SBSPON: variants seen among roughly 807,000 people sequenced by gnomAD.
SBSPON encodes the protein somatomedin B and thrombospondin type 1 domain containing.
Under a neutral mutation model 35.8 loss-of-function variants are expected in SBSPON, and 30 were observed. That is an observed-to-expected ratio of 0.84 (90% CI 0.63 to 1.14). The LOEUF is 1.14. Among genes scored for constraint, SBSPON ranks in the 50% most tolerant of loss-of-function variants. The pLI, the probability that SBSPON is intolerant of heterozygous loss-of-function variation, is 0.00. For synonymous variants in SBSPON, 136 were observed against 135.9 expected (o/e 1.00, Z 0.00); for missense variants, 364 against 357.7 (o/e 1.02, Z -0.14).
intron 1 of SBSPON, among the ~76,000 whole-genome samples, chr8:73,089,663 G>A (rs911781493): frequency 7.2e-5 from 11 of 152,042 alleles, no homozygotes; most frequent in Admixed American, 3.9e-4. Flanking sequence ...TAATATTAAC[G>A]AATACAAATT....
intron 2 of SBSPON, among the ~76,000 whole-genome samples, chr8:73,078,375 C>T (rs1563488554): frequency 6.6e-6 from 1 of 152,168 alleles, no homozygotes; most frequent in East Asian, 1.9e-4. Context: ...AGCCGCCCTA[C>T]CTCGAGTAGA....
At chr8:73,069,712 A>G (rs958355160) in intron 4 of SBSPON, 93 bp downstream of exon 4, 16 of 1,015,444 alleles carry the variant, frequency 1.6e-5, no homozygotes, top group East Asian at 2.4e-5. Context: ...ATCCCTTGAT[A>G]TGTTACATAC....
chr8:73,080,381 G>A (rs1187916327), intron 2 of SBSPON, among the ~76,000 whole-genome samples: 1 of 152,198 alleles, frequency 6.6e-6, no homozygotes, highest in East Asian at 1.9e-4. Context: ...CGGGCGTGGT[G>A]GCAGGCGCCT....
At chr8:73,086,264 G>T (rs1810823834) in intron 1 of SBSPON, among the ~76,000 whole-genome samples, 2 of 151,788 alleles carry the variant, frequency 1.3e-5, no homozygotes, top group South Asian at 4.2e-4. Flanking sequence ...GAGTTCAAGA[G>T]ATTCTCATGC....
At chr8:73,077,132 C>T (rs1474740871) in intron 2 of SBSPON, among the ~76,000 whole-genome samples, 1 of 152,188 alleles carries the variant, frequency 6.6e-6, no homozygotes, top group African/African-American at 2.4e-5. Flanking sequence ...TCTCGAACTC[C>T]TGACCTCAGG....
At chr8:73,075,324 C>G (rs1268916360) in intron 2 of SBSPON, among the ~76,000 whole-genome samples, 3 of 152,232 alleles carry the variant, frequency 2.0e-5, no homozygotes, top group Non-Finnish European at 4.4e-5. Flanking sequence ...TCACATGAGC[C>G]AGACTGCCTG....
In SBSPON at chr8:73,066,142, G is replaced by A. The variant is rs1810384202; in HGVS notation, c.*1199C>T. 6.6e-6 allele frequency: 1 copy of A among 152,048 alleles called. No homozygotes were observed. The highest frequency in any genetic ancestry group is 2.4e-5 in the African/African-American group (1 of 41,390). The allele number at this position is 152,048 out of a possible 1,614,324, so 9.4% of individuals were successfully genotyped here. On this transcript the variant is annotated 3_prime_UTR_variant, in exon 5 of 5. Transcript: ENST00000297354. ...TCAATTGAAACCAAAGAAATCTCAT[G>A]TAGTTTACATCTCAAGACTCAATTC... is the stretch of plus-strand genomic sequence containing the variant.
chr8:73,074,058 T>G (rs1810546588), intron 2 of SBSPON, among the ~76,000 whole-genome samples: 1 of 152,240 alleles, frequency 6.6e-6, no homozygotes, highest in South Asian at 2.1e-4. Flanking sequence ...AAGGATTTAA[T>G]TCTCCCATAC....
intron 1 of SBSPON, chr8:73,085,535 T>C (rs1252773145): frequency 6.6e-6 from 1 of 152,016 alleles, no homozygotes; most frequent in East Asian, 1.9e-4. Flanking sequence ...AGCCAGACTC[T>C]CCAAGGTCAT....
intron 1 of SBSPON, among the ~76,000 whole-genome samples, chr8:73,082,197 T>C (rs915689392): frequency 1.3e-5 from 2 of 152,216 alleles, no homozygotes; most frequent in Admixed American, 1.3e-4. Flanking sequence ...ACTTTCTCAT[T>C]GAAAGTTTTA....
At chr8:73,078,764 G>A (rs751487554) in intron 2 of SBSPON, among the ~76,000 whole-genome samples, 36 of 152,126 alleles carry the variant, frequency 2.4e-4, no homozygotes, top group Non-Finnish European at 4.0e-4. Flanking sequence ...GAGCAACCAC[G>A]TCTGAAGCAC....
intron 1 of SBSPON, among the ~76,000 whole-genome samples, chr8:73,092,618 T>C (rs973446311): frequency 6.6e-6 from 1 of 151,704 alleles, no homozygotes; most frequent in Non-Finnish European, 1.5e-5. Context: ...AGCCCTTCCA[T>C]CCGGGCTCTG....
At chr8:73,073,854 T>C (rs1810543086) in intron 2 of SBSPON, among the ~76,000 whole-genome samples, 13 of 151,842 alleles carry the variant, frequency 8.6e-5, no homozygotes, top group Admixed American at 8.5e-4. Flanking sequence ...AGCAGCTGCC[T>C]AATACCGGGT....
chr8:73,080,386 G>A (rs1810673160), intron 2 of SBSPON, among the ~76,000 whole-genome samples: 1 of 151,902 alleles, frequency 6.6e-6, no homozygotes, highest in African/African-American at 2.4e-5. Flanking sequence ...GTGGTGGCAG[G>A]CGCCTGTAGT....
intron 3 of SBSPON, among the ~76,000 whole-genome samples, chr8:73,071,057 A>G (rs1434183849): frequency 1.3e-5 from 2 of 152,130 alleles, no homozygotes; most frequent in African/African-American, 2.4e-5. Flanking sequence ...GGTTCTCACT[A>G]TGTTGCCCTG....
In SBSPON at chr8:73,067,075, A is replaced by G. The variant is rs186545264; in HGVS notation, c.*266T>C. ...ACATGTATTCTGTGTCTCACGGGCC[A>G]CCTGCTGAATGAGAGGACTCCAGTT... On this transcript the variant is annotated 3_prime_UTR_variant, in exon 5 of 5. Coordinates refer to ENST00000297354, the MANE Select transcript of SBSPON (RefSeq NM_153225.4). 19 of 305,824 alleles carry G rather than the reference A, an allele frequency of 6.2e-5. No individual in the cohort carries two copies. In the East Asian group the frequency reaches 9.2e-4, roughly 15 times the overall value. 18.9% of individuals were successfully genotyped at this position (305,824 alleles called of 1,614,324 possible).
intron 1 of SBSPON, among the ~76,000 whole-genome samples, chr8:73,086,116 C>A (rs1810820143): frequency 6.6e-6 from 1 of 152,140 alleles, no homozygotes; most frequent in African/African-American, 2.4e-5. Context: ...AACACCCACA[C>A]ATGCACACCT....
At chr8:73,081,268 G>C in intron 1 of SBSPON, 55 bp from the exon 2 acceptor site, 2 of 1,436,734 alleles carry the variant, frequency 1.4e-6, no homozygotes, top group Admixed American at 2.2e-5. Context: ...AGGCTGGCAG[G>C]CTGTTCCCGC....
intron 4 of SBSPON, among the ~76,000 whole-genome samples, chr8:73,068,447 CCAGT>C (rs1332503541): frequency 6.6e-6 from 1 of 152,160 alleles, no homozygotes; most frequent in East Asian, 1.9e-4. Context: ...TGTATTTCTA[CCAGT>C]TACACCTGAC....
Sources: gnomAD v4.1 joint callset for allele counts (sites outside exome capture counted in the v4.1 genomes callset) on GRCh38, gnomAD v4.1.1 for gene constraint, MANE v1.5 for transcripts, NCBI Gene and HGNC (gene_info 2026-07-23, HGNC 2026-07-21) for gene names.